SATL1: variants seen among roughly 807,000 people sequenced by gnomAD.
SATL1 encodes spermidine/spermine N(1)-acetyltransferase-like protein 1.
In SATL1, 47 loss-of-function variants were observed where a neutral mutation model predicts 51.8. The observed-to-expected ratio is 0.91, with a 90% confidence interval of 0.72 to 1.16. The LOEUF (loss-of-function observed/expected upper bound fraction) is 1.16. Among genes scored for constraint, SATL1 ranks in the 50% most tolerant of loss-of-function variants. The pLI, the probability that SATL1 is intolerant of heterozygous loss-of-function variation, is 0.00. For missense variants in SATL1, 520 were observed against 526.4 expected (o/e 0.99, Z 0.12); for synonymous variants, 176 against 182.4 (o/e 0.97, Z 0.28).
intron 2 of SATL1, among the ~76,000 whole-genome samples, chrX:85,173,420 A>C (rs1287333578): frequency 9.0e-6 from 1 of 111,361 alleles, no homozygotes; most frequent in Admixed American, 9.6e-5. Flanking sequence ...CATTTACCAA[A>C]ATATGGACTG....
intron 2 of SATL1, among the ~76,000 whole-genome samples, chrX:85,115,737 G>C (rs191853308): frequency 5.0e-4 from 56 of 111,914 alleles, no homozygotes; most frequent in Middle Eastern, 4.6e-3. Context: ...AGGCAGCGTG[G>C]GTTCTTTGGA....
chrX:85,148,812 G>T (rs1218151573), intron 2 of SATL1, among the ~76,000 whole-genome samples: 1 of 111,232 alleles, frequency 9.0e-6, no homozygotes. Flanking sequence ...GCTCCTGAAG[G>T]AAGCACTAAA....
intron 2 of SATL1, among the ~76,000 whole-genome samples, chrX:85,205,987 C>A (rs1238993935): frequency 9.0e-6 from 1 of 111,400 alleles, no homozygotes; most frequent in Non-Finnish European, 1.9e-5. Flanking sequence ...GAAGGAAAGA[C>A]AGAAATCAAG....
intron 2 of SATL1, among the ~76,000 whole-genome samples, chrX:85,136,023 G>A (rs990801461): frequency 9.1e-6 from 1 of 110,382 alleles, no homozygotes; most frequent in African/African-American, 3.3e-5. Flanking sequence ...CACAATTCAA[G>A]AGTTATTTAG....
intron 2 of SATL1, among the ~76,000 whole-genome samples, chrX:85,133,347 C>G (rs969849731): frequency 8.9e-6 from 1 of 112,101 alleles, no homozygotes; most frequent in African/African-American, 3.2e-5. Flanking sequence ...TGTATACCTA[C>G]TCAAGCCTCA....
chrX:85,153,943 T>C (rs1926527081), intron 2 of SATL1: 2 of 112,122 alleles, frequency 1.8e-5, no homozygotes, highest in South Asian at 7.4e-4. Flanking sequence ...TTGAGAATGA[T>C]GGCAAATCTC....
rs751017376 is a variant in SATL1, at chrX:85,094,152, A to G, written c.1852T>C (p.Phe618Leu). The G allele has an allele frequency of 1.5e-5, 18 of 1,176,700 alleles. No individual in the cohort carries two copies. In the African/African-American group the frequency reaches 3.2e-4, roughly 21 times the overall value. ...CCTTGGTAAGCTTGTGTGACATAAAAGTCCTCTAGGTAAAGTACCTTGCCA... is the reference window on the plus strand; with the variant it reads ...CCTTGGTAAGCTTGTGTGACATAAAGGTCCTCTAGGTAAAGTACCTTGCCA... ...WTGKVLYLED[F>L]YVTQAYQGLG... is the part of the protein sequence containing the mutation. Residue 618 changes from phenylalanine to leucine, a missense_variant, in exon 6 of 8, where the codon TTT becomes CTT. Around this residue, in one of 3 missense-constraint regions of SATL1, gnomAD observed 488 missense variants for 474.3 expected, o/e 1.03. Coordinates refer to ENST00000644105, the MANE Select transcript of SATL1 (RefSeq NM_001367857.2).
At chrX:85,130,003 T>C (rs1602853897) in intron 2 of SATL1, among the ~76,000 whole-genome samples, 1 of 111,831 alleles carries the variant, frequency 8.9e-6, no homozygotes, top group African/African-American at 3.3e-5. Context: ...AGCCAACTTG[T>C]TCATGGTGGA....
chrX:85,175,812 G>A (rs1329442893), intron 2 of SATL1, among the ~76,000 whole-genome samples: 1 of 110,761 alleles, frequency 9.0e-6, no homozygotes, highest in Non-Finnish European at 1.9e-5. Flanking sequence ...AAGGCAACCT[G>A]GTAAAGAAGG....
At chrX:85,240,985 A>C (rs1016149040) in intron 1 of SATL1, among the ~76,000 whole-genome samples, 15 of 108,481 alleles carry the variant, frequency 1.4e-4, no homozygotes, top group Middle Eastern at 4.8e-3. Context: ...AATATGTCAC[A>C]ATCTCATCTT....
chrX:85,121,423 A>G (rs1050472661), intron 2 of SATL1, among the ~76,000 whole-genome samples: 4 of 103,641 alleles, frequency 3.9e-5, no homozygotes, highest in Non-Finnish European at 7.8e-5. Context: ...GTTATTAGCT[A>G]TTTCTTGTTA....
At chrX:85,223,295 T>TA (rs1046784942) in intron 2 of SATL1, among the ~76,000 whole-genome samples, 1 of 111,602 alleles carries the variant, frequency 9.0e-6, no homozygotes, top group Non-Finnish European at 1.9e-5. Flanking sequence ...ACTTGTAATT[T>TA]AGAGACTTGG....
intron 2 of SATL1, among the ~76,000 whole-genome samples, chrX:85,137,360 C>A (rs1046703045): frequency 9.0e-6 from 1 of 111,252 alleles, no homozygotes; most frequent in Non-Finnish European, 1.9e-5. Flanking sequence ...TGCTAGGGGG[C>A]AATGAATATT....
chrX:85,172,075 G>T (rs1047091663), intron 2 of SATL1, among the ~76,000 whole-genome samples: 1 of 111,007 alleles, frequency 9.0e-6, no homozygotes, highest in African/African-American at 3.3e-5. Flanking sequence ...AAGCAAGAAA[G>T]GAAAATTATC....
intron 2 of SATL1, among the ~76,000 whole-genome samples, chrX:85,182,661 C>T (rs1927230851): frequency 8.9e-6 from 1 of 111,823 alleles, no homozygotes; most frequent in Non-Finnish European, 1.9e-5. Context: ...AACTTCCATA[C>T]TGTTTCTCCA....
At chrX:85,156,829 AT>A (rs1926602089) in intron 2 of SATL1, among the ~76,000 whole-genome samples, 1 of 8,967 alleles carries the variant, frequency 1.1e-4, no homozygotes, top group African/African-American at 2.0e-4. Context: ...ATATATATAT[AT>A]ATATATATAT....
intron 2 of SATL1, chrX:85,210,240 C>T (rs754808665): frequency 9.2e-6 from 1 of 108,791 alleles, no homozygotes; most frequent in Non-Finnish European, 1.9e-5. Flanking sequence ...GAGACCGGAT[C>T]TCAAAAATAA....
chrX:85,143,346 A>G lies in SATL1; in HGVS notation c.-312-34066T>C, dbSNP rs1926152964. ...TTATCTCCTATATAAACCATTCACA[A>G]TCTCTGCTGATTGCCTCTCCTAATT... On this transcript the variant is annotated intron_variant, in intron 2 of 7. Transcript: ENST00000644105. 2.7e-5 allele frequency: 3 copies of G among 111,025 alleles called. No individual in the cohort carries two copies. In the South Asian group the frequency reaches 1.1e-3, roughly 42 times the overall value. The allele number at this position is 111,025 out of a possible 1,213,427, so 9.1% of individuals were successfully genotyped here. A position where few individuals can be genotyped will look rare whatever the true frequency, so the allele number is the denominator to read the frequency against.
chrX:85,120,295 T>C (rs1186913924), intron 2 of SATL1, among the ~76,000 whole-genome samples: 2 of 111,643 alleles, frequency 1.8e-5, no homozygotes, highest in Admixed American at 1.9e-4. Flanking sequence ...ACTGTCTTTC[T>C]GGAATGTCCC....
Sources: gnomAD v4.1 joint callset for allele counts (sites outside exome capture counted in the v4.1 genomes callset) on GRCh38, gnomAD v4.1.1 for gene constraint, gnomAD v4.1.1 regional missense constraint, MANE v1.5 for transcripts, NCBI Gene and HGNC (gene_info 2026-07-23, HGNC 2026-07-21) for gene names.